The following DSCAM variants were observed in gnomAD, a reference collection of about 807,000 sequenced individuals.
DSCAM encodes the protein cell adhesion molecule DSCAM.
Under a neutral mutation model 217.7 loss-of-function variants are expected in DSCAM, and 47 were observed. That is an observed-to-expected ratio of 0.22 (90% CI 0.17 to 0.28). DSCAM has a LOEUF of 0.28. Among genes scored for constraint, DSCAM ranks in the 10% least tolerant of loss-of-function variants. The pLI is 1.00. For missense variants in DSCAM, 2,080 were observed against 2,618.3 expected (o/e 0.79, Z 4.49); for synonymous variants, 1,056 against 1,015.3 (o/e 1.04, Z -0.76).
chr21:40,303,877 A>T (rs1160652025), intron 9 of DSCAM, among the ~76,000 whole-genome samples: 2 of 152,206 alleles, frequency 1.3e-5, no homozygotes, highest in East Asian at 3.9e-4. Context: ...CCATCAGAAG[A>T]TATAAAAAAG....
At chr21:40,311,297 T>C (rs1490190074) in intron 9 of DSCAM, among the ~76,000 whole-genome samples, 1 of 152,248 alleles carries the variant, frequency 6.6e-6, no homozygotes, top group Non-Finnish European at 1.5e-5. Flanking sequence ...TAATGTATAG[T>C]ACTCTTGGAG....
chr21:40,021,062 G>A (rs2088257797), intron 32 of DSCAM, among the ~76,000 whole-genome samples: 1 of 151,946 alleles, frequency 6.6e-6, no homozygotes, highest in South Asian at 2.1e-4. Flanking sequence ...AAGGCTGGGG[G>A]GGTGTGAGGG....
At chr21:40,244,205 C>A (rs905028186) in intron 11 of DSCAM, among the ~76,000 whole-genome samples, 2 of 152,174 alleles carry the variant, frequency 1.3e-5, no homozygotes, top group Admixed American at 6.5e-5. Context: ...AATCCCAACA[C>A]TTTGGGAGGC....
chr21:40,327,933 C>G (rs1189872783), intron 8 of DSCAM, among the ~76,000 whole-genome samples: 1 of 151,756 alleles, frequency 6.6e-6, no homozygotes, highest in Non-Finnish European at 1.5e-5. Context: ...AATAAATTAA[C>G]CAAGGAGGTG....
At chr21:40,662,425 C>T (rs1348525408) in intron 3 of DSCAM, among the ~76,000 whole-genome samples, 1 of 152,110 alleles carries the variant, frequency 6.6e-6, no homozygotes, top group African/African-American at 2.4e-5. Flanking sequence ...CATACAGGAG[C>T]GTCCTATTTT....
chr21:40,560,435 G>A (rs1217524633), intron 3 of DSCAM, among the ~76,000 whole-genome samples: 1 of 152,130 alleles, frequency 6.6e-6, no homozygotes, highest in African/African-American at 2.4e-5. Context: ...TGTTCCCGGG[G>A]AATATTCACA....
intron 3 of DSCAM, among the ~76,000 whole-genome samples, chr21:40,397,369 A>T (rs1601612022): frequency 1.3e-5 from 2 of 151,994 alleles, no homozygotes; most frequent in East Asian, 3.9e-4. Flanking sequence ...CTTGTCATTT[A>T]AAAGTGTGTG....
intron 3 of DSCAM, among the ~76,000 whole-genome samples, chr21:40,500,395 A>G (rs1601694512): frequency 6.6e-6 from 1 of 152,154 alleles, no homozygotes; most frequent in East Asian, 1.9e-4. Flanking sequence ...TCCTGCTTCT[A>G]TTAATTTTTC....
chr21:40,270,540 A>G (rs1470074321), intron 11 of DSCAM, among the ~76,000 whole-genome samples: 1 of 152,178 alleles, frequency 6.6e-6, no homozygotes, highest in Non-Finnish European at 1.5e-5. Context: ...CTAATTTGTC[A>G]TGTTTGGGAA....
At chr21:40,802,210 C>G (rs1008204871) in intron 1 of DSCAM, among the ~76,000 whole-genome samples, 2 of 152,228 alleles carry the variant, frequency 1.3e-5, no homozygotes, top group African/African-American at 4.8e-5. Flanking sequence ...AGATTACTCT[C>G]AAGCTTTACA....
At chr21:40,437,087 G>C (rs1486382090) in intron 3 of DSCAM, among the ~76,000 whole-genome samples, 2 of 152,190 alleles carry the variant, frequency 1.3e-5, no homozygotes, top group African/African-American at 4.8e-5. Flanking sequence ...ACATTTGGCT[G>C]AAAAGGTAGG....
At chr21:40,673,507 G>A (rs1201047235) in intron 3 of DSCAM, among the ~76,000 whole-genome samples, 1 of 152,128 alleles carries the variant, frequency 6.6e-6, no homozygotes, top group African/African-American at 2.4e-5. Context: ...CCTTACGTTG[G>A]AAGTAGTTTT....
intron 3 of DSCAM, among the ~76,000 whole-genome samples, chr21:40,648,164 G>A (rs1435756418): frequency 6.6e-6 from 1 of 151,616 alleles, no homozygotes; most frequent in Non-Finnish European, 1.5e-5. Context: ...ATGTATATCT[G>A]GGGTGATACT....
At position 40,266,649 on chromosome 21, in the gene DSCAM, A is replaced by ATATATATATT. The variant is rs1555896577; in HGVS notation, c.2356+9447_2356+9448insAATATATATA. Among the ~76,000 whole-genome samples, 249 of 122,780 alleles carry ATATATATATT rather than the reference A, an allele frequency of 2.0e-3. 6 individuals are homozygous for ATATATATATT. Among genetic ancestry groups the ATATATATATT allele is most frequent in the African/African-American group, 5.7e-3 (173 of 30,218 alleles). The allele number at this position is 122,780 out of a possible 152,430, so 80.5% of individuals were successfully genotyped here. A position where few individuals can be genotyped will look rare whatever the true frequency, so the allele number is the denominator to read the frequency against. On this transcript the variant is annotated intron_variant, in intron 11 of 32. Transcript: ENST00000400454. ...ACAAAGATGTTTTATATATATATAT[A>ATATATATATT]TATATATATATATATATATATAATC...
At chr21:40,072,395 G>A (rs555604165) in intron 27 of DSCAM, among the ~76,000 whole-genome samples, 35 of 149,296 alleles carry the variant, frequency 2.3e-4, no homozygotes, top group African/African-American at 8.7e-4. Flanking sequence ...CACCCAGGCT[G>A]GAGTGCAGTG....
intron 5 of DSCAM, among the ~76,000 whole-genome samples, chr21:40,352,255 G>A (rs762271391): frequency 3.9e-5 from 6 of 152,148 alleles, no homozygotes; most frequent in Non-Finnish European, 8.8e-5. Context: ...ATGGAGAACA[G>A]GGAGCTAGGA....
rs2075132396 is a variant in DSCAM, at chr21:40,391,347, T to A, written c.509-22102A>T. 2.0e-5 allele frequency among the ~76,000 whole-genome samples: 3 copies of A among 152,302 alleles called. No homozygotes were observed. In the South Asian group the frequency reaches 6.2e-4, roughly 32 times the overall value. On this transcript the variant is annotated intron_variant, in intron 3 of 32. Transcript: ENST00000400454. ...TAGAAATCTGGAGGGAGGCTAAATT[T>A]TACACAGTCTACCCACCTGCTGTTT...
At position 40,376,538 on chromosome 21, in the gene DSCAM, G is replaced by GATATATCTTATATCGATATCT. The variant is rs1569092877; in HGVS notation, c.509-7314_509-7294dup. On this transcript the variant is annotated intron_variant, in intron 3 of 32. Coordinates refer to ENST00000400454, the MANE Select transcript of DSCAM (RefSeq NM_001389.5). ...TATCTATATATCTTATATAGATATC[G>GATATATCTTATATCGATATCT]ATATATCTTATATCGATATCTATAT... is the stretch of plus-strand genomic sequence containing the variant. Among the ~76,000 whole-genome samples, 275 of 54,410 alleles carry GATATATCTTATATCGATATCT rather than the reference G, an allele frequency of 5.1e-3. 14 individuals are homozygous for GATATATCTTATATCGATATCT. Among genetic ancestry groups the GATATATCTTATATCGATATCT allele is most frequent in the African/African-American group, 0.01 (101 of 9,986 alleles). The allele number at this position is 54,410 out of a possible 152,430, so 35.7% of individuals were successfully genotyped here. A position where few individuals can be genotyped will look rare whatever the true frequency, so the allele number is the denominator to read the frequency against.
At chr21:40,471,952 T>A (rs149364235) in intron 3 of DSCAM, among the ~76,000 whole-genome samples, 2 of 152,026 alleles carry the variant, frequency 1.3e-5, no homozygotes, top group South Asian at 4.1e-4. Flanking sequence ...GTTCTCCCCA[T>A]CCCACAACAG....
Sources: allele counts gnomAD v4.1 joint callset (sites outside exome capture counted in the v4.1 genomes callset), GRCh38; gene constraint gnomAD v4.1.1; transcripts MANE v1.5; gene names NCBI Gene and HGNC (gene_info 2026-07-23, HGNC 2026-07-21).